The following TEX14 variants were observed in gnomAD, a reference collection of about 807,000 sequenced individuals.
TEX14 encodes the protein testis expressed 14, intercellular bridge forming factor.
A neutral mutation model predicts 178.6 loss-of-function variants in TEX14; 168 were observed. The observed-to-expected ratio is 0.94, with a 90% CI of 0.83 to 1.07. The LOEUF is 1.07. Among genes scored for constraint, TEX14 ranks in the 50% least tolerant of loss-of-function variants. TEX14 has a pLI of 0.00. For missense variants in TEX14, 1,730 were observed against 1,753.6 expected, an observed-to-expected ratio of 0.99 and a Z score of 0.24; for synonymous variants, 626 against 634.1, an observed-to-expected ratio of 0.99 and a Z score of 0.19.
intron 10 of TEX14, among the ~76,000 whole-genome samples, chr17:58,606,588 C>T (rs1443738322): frequency 6.6e-6 from 1 of 152,044 alleles, no homozygotes; most frequent in Non-Finnish European, 1.5e-5. Flanking sequence ...TGAAAAGTCA[C>T]CTATGGCCTA....
chr17:58,584,183 G>A (rs1339683830), intron 19 of TEX14, among the ~76,000 whole-genome samples: 1 of 152,148 alleles, frequency 6.6e-6, no homozygotes, highest in Non-Finnish European at 1.5e-5. Context: ...GACCTCAGTC[G>A]CCTGCTGGGG....
chr17:58,597,470 A>T (rs551339650), intron 14 of TEX14, among the ~76,000 whole-genome samples: 1 of 152,142 alleles, frequency 6.6e-6, no homozygotes, highest in Non-Finnish European at 1.5e-5. Context: ...AACAGTAACA[A>T]AACCCAGTAA....
chr17:58,668,485 C>T (rs2047250302), intron 1 of TEX14, among the ~76,000 whole-genome samples: 1 of 152,202 alleles, frequency 6.6e-6, no homozygotes, highest in South Asian at 2.1e-4. Context: ...TCATCTTAGC[C>T]AATGCCCACT....
chr17:58,685,986 C>T lies in TEX14; in HGVS notation c.-2+5953G>A, dbSNP rs565923119. Among the ~76,000 whole-genome samples the T allele has an allele frequency of 1.6e-3, 193 of 120,290 alleles. 8 individuals carry two copies. The South Asian group carries it at 0.052, about 32-fold the overall frequency. 78.9% of individuals were successfully genotyped at this position (120,290 alleles called of 152,430 possible). ...CTCCAGCCTGGGCGACAGGGCAAGA[C>T]TCTGTCTCACAAAAAAAAAAAAAAA... On this transcript the variant is annotated intron_variant, in intron 1 of 31. Transcript: ENST00000349033.
intron 15 of TEX14, among the ~76,000 whole-genome samples, chr17:58,592,262 C>T (rs1438772275): frequency 6.6e-6 from 1 of 150,710 alleles, no homozygotes; most frequent in African/African-American, 2.4e-5. Flanking sequence ...CAGAATCTCA[C>T]TCTGTTGCCA....
chr17:58,602,644 G>T (rs962985300), intron 11 of TEX14, 54 bp from the exon 12 acceptor site: 11 of 1,434,960 alleles, frequency 7.7e-6, no homozygotes, highest in African/African-American at 4.3e-5. Context: ...AGAGTGGAGT[G>T]GGGGGAAAAG....
intron 3 of TEX14, among the ~76,000 whole-genome samples, chr17:58,628,719 AAAAAAGACTAC>A (rs965355271): frequency 4.6e-5 from 7 of 151,610 alleles, no homozygotes; most frequent in African/African-American, 1.7e-4. Flanking sequence ...CTCAAAAAAA[AAAAAAGACTAC>A]AAAAATTAGC....
intron 10 of TEX14, among the ~76,000 whole-genome samples, chr17:58,609,757 T>A (rs976584237): frequency 1.3e-5 from 2 of 152,200 alleles, no homozygotes; most frequent in African/African-American, 4.8e-5. Context: ...TTATATCATT[T>A]GTTCAAAAAA....
chr17:58,577,446 C>T lies in TEX14; in HGVS notation c.3249G>A (p.Lys1083=). The T allele has an allele frequency of 1.4e-6, 2 of 1,449,354 alleles. No homozygotes were observed. Among genetic ancestry groups the T allele is most frequent in the Non-Finnish European group, 1.9e-6 (2 of 1,074,650 alleles). The allele number at this position is 1,449,354 out of a possible 1,614,324, so 89.8% of individuals were successfully genotyped here. A position where few individuals can be genotyped will look rare whatever the true frequency, so the allele number is the denominator to read the frequency against. ...TTCCAAGAATTTTTCTCATTTGGAA[C>T]TTTTCCTCACCTGAAAGAATAAAGT... ...FAQPQVSGEE[K]FQMRKILGKN... Residue 1083 remains lysine, a synonymous_variant, in exon 21 of 32, where the codon AAG becomes AAA. Coordinates refer to ENST00000349033, the MANE Select transcript of TEX14 (RefSeq NM_031272.5).
chr17:58,604,941 T>C lies in TEX14; in HGVS notation c.1336+37A>G, dbSNP rs773117549. The C allele has an allele frequency of 5.0e-6, 8 of 1,610,816 alleles. No individual in the cohort carries two copies. The African/African-American group carries it at 9.4e-5, about 19-fold the overall frequency. ...GGGGGAGAAAAATGCAACCTAAGAA[T>C]AGGGACTTTGGTCAACCATTAATGA... On this transcript the variant is annotated intron_variant, in intron 11 of 31. Transcript: ENST00000349033.
intron 10 of TEX14, among the ~76,000 whole-genome samples, chr17:58,607,258 A>G (rs2045631543): frequency 6.6e-6 from 1 of 152,132 alleles, no homozygotes; most frequent in Admixed American, 6.5e-5. Context: ...GCTGTCTAAC[A>G]TTTCTGACAC....
At chr17:58,599,719 C>T in intron 13 of TEX14, 53 bp from the exon 14 acceptor site, 1 of 1,459,618 alleles carries the variant, frequency 6.9e-7, no homozygotes, top group Non-Finnish European at 9.4e-7. Context: ...TATTTGGCAG[C>T]TAAGCAGCCT....
At chr17:58,676,881 A>T (rs1210911716) in intron 1 of TEX14, among the ~76,000 whole-genome samples, 1 of 152,068 alleles carries the variant, frequency 6.6e-6, no homozygotes, top group Non-Finnish European at 1.5e-5. Context: ...CTGTAATCCC[A>T]GTACTTTGGG....
chr17:58,659,025 G>A (rs561580333), intron 1 of TEX14, among the ~76,000 whole-genome samples: 28 of 150,344 alleles, frequency 1.9e-4, no homozygotes, highest in African/African-American at 6.7e-4. Flanking sequence ...AAAACAGACC[G>A]TAACCTAAGA....
At chr17:58,679,696 C>G (rs922788031) in intron 1 of TEX14, 1 of 152,098 alleles carries the variant, frequency 6.6e-6, no homozygotes, top group Non-Finnish European at 1.5e-5. Flanking sequence ...AGTATGAGTC[C>G]CCAGCGCTGC....
At chr17:58,666,643 C>A (rs1567767802) in intron 1 of TEX14, 1 of 152,144 alleles carries the variant, frequency 6.6e-6, no homozygotes, top group Non-Finnish European at 1.5e-5. Context: ...GAATAAGCCA[C>A]ACACAGGGAA....
At position 58,602,540 on chromosome 17, in the gene TEX14, C is replaced by T. The variant is rs2045479434; in HGVS notation, c.1387G>A (p.Val463Ile). The T allele has an allele frequency of 6.2e-7, 1 of 1,613,860 alleles. No homozygotes were observed. Among genetic ancestry groups the T allele is most frequent in the Admixed American group, 1.7e-5 (1 of 59,944 alleles). ...TCAGCTTCTAAATAATTCCCCGAGACTACGGCTTTTTTAACAACTGAGCCA... is the reference window on the plus strand; with the variant it reads ...TCAGCTTCTAAATAATTCCCCGAGATTACGGCTTTTTTAACAACTGAGCCA... ...LDGSVVKKAVVSGNYLEADVR... is the reference protein window; with the variant it reads ...LDGSVVKKAVISGNYLEADVR... Residue 463 changes from valine (V) to isoleucine (I), a missense_variant, in exon 12 of 32, where the codon GTC becomes ATC. By Grantham distance (29) the Val-to-Ile change is conservative. This residue lies in a region of TEX14 where 789 missense variants were observed against 681.2 expected (regional missense o/e 1.16). Transcript: ENST00000349033.
intron 1 of TEX14, among the ~76,000 whole-genome samples, chr17:58,669,452 G>T (rs2047267472): frequency 2.0e-5 from 3 of 152,078 alleles, no homozygotes; most frequent in Admixed American, 1.3e-4. Flanking sequence ...CAAGCCAGCT[G>T]CTGGGCGTGG....
At chr17:58,676,334 G>C (rs1278971346) in intron 1 of TEX14, among the ~76,000 whole-genome samples, 2 of 150,956 alleles carry the variant, frequency 1.3e-5, no homozygotes, top group Non-Finnish European at 2.9e-5. Context: ...CAAGATCACA[G>C]CATTGCACTC....
Sources: allele counts gnomAD v4.1 joint callset (sites outside exome capture counted in the v4.1 genomes callset), GRCh38; gene constraint gnomAD v4.1.1; regional missense constraint gnomAD v4.1.1; transcripts MANE v1.5; gene names NCBI Gene and HGNC (gene_info 2026-07-23, HGNC 2026-07-21).